Variants in GABBR2 observed in about 807,000 individuals in gnomAD.
GABBR2 encodes gamma-aminobutyric acid type B receptor subunit 2, also known as G-protein coupled receptor 51.
A neutral mutation model predicts 105.6 loss-of-function variants in GABBR2; 23 were observed. The observed-to-expected ratio is 0.22, with a 90% CI of 0.16 to 0.31. The LOEUF (loss-of-function observed/expected upper bound fraction) is 0.31. Ranked by LOEUF, GABBR2 falls within the 10% of genes least tolerant of loss-of-function variation. The probability of loss-of-function intolerance (pLI) is 1.00; values close to 1 mark genes in which losing one functional copy is unlikely to be tolerated. For synonymous variants in GABBR2, 478 were observed against 499.7 expected (o/e 0.96, Z 0.58); for missense variants, 734 against 1,245.5 (o/e 0.59, Z 6.18).
At chr9:98,500,084 A>G (rs1182959578) in intron 3 of GABBR2, among the ~76,000 whole-genome samples, 1 of 152,230 alleles carries the variant, frequency 6.6e-6, no homozygotes, top group Non-Finnish European at 1.5e-5. Flanking sequence ...ACAGACGAAA[A>G]CAAAAAAAAC....
At chr9:98,563,542 A>G (rs1319903312) in intron 2 of GABBR2, among the ~76,000 whole-genome samples, 6 of 152,348 alleles carry the variant, frequency 3.9e-5, no homozygotes, top group African/African-American at 1.4e-4. Flanking sequence ...CCTGTGCCCA[A>G]TCCTCTAGGA....
chr9:98,353,919 C>T (rs1342478549), intron 13 of GABBR2, among the ~76,000 whole-genome samples: 3 of 152,196 alleles, frequency 2.0e-5, no homozygotes, highest in Admixed American at 2.0e-4. Flanking sequence ...CTCCATCTTG[C>T]CACCCTGTGA....
rs191945095 is a variant in GABBR2 at position 98,376,799 on chromosome 9, G to A, written c.1663-5228C>T. Among the ~76,000 whole-genome samples the A allele has an allele frequency of 1.8e-3, 280 of 152,268 alleles. 2 individuals are homozygous for A. Among genetic ancestry groups the A allele is most frequent in the Middle Eastern group, 3.4e-3 (1 of 294 alleles). ...CCTTTCTGGGGGAACGGTGCAGGGG[G>A]CAAAGGTGACTCAGGACCCACAGGA... On this transcript the variant is annotated intron_variant, in intron 11 of 18. Coordinates refer to ENST00000259455, the MANE Select transcript of GABBR2 (RefSeq NM_005458.8).
chr9:98,494,883 T>G (rs1414014402), intron 4 of GABBR2, among the ~76,000 whole-genome samples: 1 of 152,230 alleles, frequency 6.6e-6, no homozygotes, highest in African/African-American at 2.4e-5. Context: ...CTTTAAACAT[T>G]AAAGTCCATA....
intron 1 of GABBR2, among the ~76,000 whole-genome samples, chr9:98,614,435 G>A (rs916595494): frequency 6.6e-6 from 1 of 152,158 alleles, no homozygotes; most frequent in Non-Finnish European, 1.5e-5. Context: ...TGAGGCAGGA[G>A]AATTGCTTGA....
chr9:98,609,355 T>C (rs114755056), intron 1 of GABBR2, among the ~76,000 whole-genome samples: 1,756 of 152,224 alleles, frequency 0.012, 34 homozygotes, highest in African/African-American at 0.041. Context: ...ATTTATCTTT[T>C]CCCATTTCTG....
chr9:98,305,536 T>G (rs1472421685), intron 15 of GABBR2, among the ~76,000 whole-genome samples: 1 of 152,162 alleles, frequency 6.6e-6, no homozygotes, highest in Non-Finnish European at 1.5e-5. Context: ...CACCATAGGC[T>G]GGGCGAGGTG....
intron 4 of GABBR2, 99 bp from the exon 5 acceptor site, chr9:98,481,096 T>G: frequency 2.5e-6 from 2 of 801,258 alleles, no homozygotes; most frequent in Non-Finnish European, 4.5e-6. Flanking sequence ...CTCTGGCTCT[T>G]AGCCCAGAGC....
chr9:98,651,781 T>C (rs575526870), intron 1 of GABBR2, among the ~76,000 whole-genome samples: 14 of 152,228 alleles, frequency 9.2e-5, no homozygotes, highest in Non-Finnish European at 1.6e-4. Flanking sequence ...CCAATCACAA[T>C]GTGTGGGCCT....
At chr9:98,311,411 C>A (rs913163841) in intron 13 of GABBR2, among the ~76,000 whole-genome samples, 1 of 152,158 alleles carries the variant, frequency 6.6e-6, no homozygotes, top group African/African-American at 2.4e-5. Flanking sequence ...GGTAGCAATT[C>A]AACCCTGCAC....
At chr9:98,551,647 C>T (rs1828487809) in intron 2 of GABBR2, among the ~76,000 whole-genome samples, 1 of 152,126 alleles carries the variant, frequency 6.6e-6, no homozygotes, top group Non-Finnish European at 1.5e-5. Context: ...CAGCTGGAGG[C>T]CTCTAGCCTG....
intron 3 of GABBR2, among the ~76,000 whole-genome samples, chr9:98,502,858 C>T (rs767445592): frequency 6.6e-6 from 1 of 152,224 alleles, no homozygotes. Flanking sequence ...CCACTCACCA[C>T]TTTGGATTTT....
chr9:98,384,391 G>A (rs771039937), intron 11 of GABBR2, among the ~76,000 whole-genome samples: 6 of 152,100 alleles, frequency 3.9e-5, no homozygotes, highest in Non-Finnish European at 5.9e-5. Flanking sequence ...GGGAGTTCGA[G>A]ACCATCCTGA....
intron 3 of GABBR2, among the ~76,000 whole-genome samples, chr9:98,496,945 G>T (rs762612249): frequency 6.6e-6 from 1 of 152,218 alleles, no homozygotes; most frequent in Non-Finnish European, 1.5e-5. Flanking sequence ...ATAGAGTAAA[G>T]GAAAGAGGAA....
In GABBR2 at chr9:98,499,650, A is replaced by C. The variant is rs535021733; in HGVS notation, c.631-3136T>G. Among the ~76,000 whole-genome samples, 479 of 152,402 alleles carry C rather than the reference A, an allele frequency of 3.1e-3. 2 individuals are homozygous for C. The highest frequency in any genetic ancestry group is 5.3e-3 in the Non-Finnish European group (363 of 68,040). On this transcript the variant is annotated intron_variant, in intron 3 of 18. Transcript: ENST00000259455. ...TTCCTCACAAGGGAAAACAATTTACATGCTCCTTAAGTGGGTAGAAAGACC... is the reference window on the plus strand; with the variant it reads ...TTCCTCACAAGGGAAAACAATTTACCTGCTCCTTAAGTGGGTAGAAAGACC...
At chr9:98,466,224 A>G (rs1826550180) in intron 6 of GABBR2, among the ~76,000 whole-genome samples, 1 of 152,210 alleles carries the variant, frequency 6.6e-6, no homozygotes, top group African/African-American at 2.4e-5. Flanking sequence ...AGTGTGAGAA[A>G]GGACTAATAC....
At chr9:98,605,368 G>T (rs1028056716) in intron 1 of GABBR2, among the ~76,000 whole-genome samples, 2 of 152,206 alleles carry the variant, frequency 1.3e-5, no homozygotes, top group Non-Finnish European at 2.9e-5. Context: ...TCCCCAGGAC[G>T]GTACTGCAGA....
rs573877147 is a variant in GABBR2, at chr9:98,525,123, C to T, written c.630+16750G>A. Among the ~76,000 whole-genome samples the T allele has an allele frequency of 1.1e-4, 17 of 152,182 alleles. No individual in the cohort carries two copies. In the South Asian group the frequency reaches 2.9e-3, roughly 26 times the overall value. On this transcript the variant is annotated intron_variant, in intron 3 of 18. Coordinates refer to ENST00000259455, the MANE Select transcript of GABBR2 (RefSeq NM_005458.8). The stretch of plus-strand genomic sequence containing the variant: ...TTAGACAATGGTCTCTTAAATATGA[C>T]ATCAAAAGTAAAAGCAGCAAAAGAA...
At chr9:98,512,469 T>C (rs894906742) in intron 3 of GABBR2, among the ~76,000 whole-genome samples, 47 of 151,972 alleles carry the variant, frequency 3.1e-4, no homozygotes, top group African/African-American at 8.4e-4. Flanking sequence ...AGTCAAATTG[T>C]CCCTGTTTGC....
Sources: allele counts gnomAD v4.1 joint callset (sites outside exome capture counted in the v4.1 genomes callset), GRCh38; gene constraint gnomAD v4.1.1; transcripts MANE v1.5; gene names NCBI Gene and HGNC (gene_info 2026-07-23, HGNC 2026-07-21).